Variants in IL27RA observed in about 807,000 individuals in gnomAD.
IL27RA encodes the protein interleukin 27 receptor subunit alpha, also known as interleukin-27 receptor subunit alpha.
In IL27RA, 61 loss-of-function variants were observed where a neutral mutation model predicts 80.8. The observed-to-expected ratio is 0.76, with a 90% confidence interval of 0.61 to 0.93. IL27RA has a LOEUF of 0.93. Ranked by LOEUF, IL27RA falls within the 40% of genes least tolerant of loss-of-function variation. The probability of loss-of-function intolerance (pLI) is 0.00; values close to 1 mark genes in which losing one functional copy is unlikely to be tolerated. For missense variants in IL27RA, 735 were observed against 808.1 expected (o/e 0.91, Z 1.10); for synonymous variants, 316 against 332.5 (o/e 0.95, Z 0.54).
Position 14,046,145 on chromosome 19 carries a change from A to T in IL27RA, c.769-9A>T, listed in dbSNP as rs1401306125. ...GAGACATTAACCCCTTTTTCCCTTC[A>T]TCTCTCAGGCCCCAGGGCCCTGTGT... On this transcript the variant is annotated splice_polypyrimidine_tract_variant and intron_variant, in intron 6 of 13. Transcript: ENST00000263379. The T allele has an allele frequency of 1.2e-6, 2 of 1,606,862 alleles. No homozygotes were observed. Among genetic ancestry groups the T allele is most frequent in the Admixed American group, 1.7e-5 (1 of 57,964 alleles).
In IL27RA at chr19:14,050,753, T is replaced by C; in HGVS notation, c.1403-5T>C. 1 of 1,608,860 alleles carries C rather than the reference T, an allele frequency of 6.2e-7. No individual in the cohort carries two copies. Among genetic ancestry groups the C allele is most frequent in the African/African-American group, 1.3e-5 (1 of 74,954 alleles). On this transcript the variant is annotated splice_region_variant and splice_polypyrimidine_tract_variant and intron_variant, in intron 10 of 13. Transcript: ENST00000263379. ...CTCCCCAACTTCTTTGGTTGTGTTC[T>C]CCAGTGAGTGGCAACACACAGAGTG...
chr19:14,050,856 G>T lies in IL27RA; in HGVS notation c.1501G>T (p.Gly501Cys), dbSNP rs1358725262. ...TACCATCGCTGGACAGGGCCCTCCT[G>T]GTCCCATCCTCCGGCTTCATCTACC... The part of the protein sequence containing the change: ...ASTIAGQGPP[G>C]PILRLHLPDN... Residue 501 changes from glycine to cysteine, a missense_variant, in exon 11 of 14, where the codon GGT becomes TGT. Physicochemically the swap from Gly to Cys is radical, Grantham distance 159 (BLOSUM62 -3). Coordinates refer to ENST00000263379, the MANE Select transcript of IL27RA (RefSeq NM_004843.4). 1 of 1,611,732 alleles carries T rather than the reference G, an allele frequency of 6.2e-7. No homozygotes were observed. Among genetic ancestry groups the T allele is most frequent in the Admixed American group, 1.7e-5 (1 of 59,914 alleles).
chr19:14,033,888 C>T (rs1182865322), intron 2 of IL27RA, among the ~76,000 whole-genome samples: 1 of 151,990 alleles, frequency 6.6e-6, no homozygotes, highest in Non-Finnish European at 1.5e-5. Flanking sequence ...TGCTTGAACC[C>T]AGGAAGTGGA....
chr19:14,032,805 C>CAA (rs60328140), intron 2 of IL27RA, among the ~76,000 whole-genome samples: 14 of 60,734 alleles, frequency 2.3e-4, no homozygotes, highest in East Asian at 4.6e-4. Flanking sequence ...GACTCTGTCT[C>CAA]AAAAAAAAAA....
At chr19:14,051,025 G>A (rs1976154545) in intron 11 of IL27RA, 142 bp downstream of exon 11, 1 of 815,900 alleles carries the variant, frequency 1.2e-6, no homozygotes, top group South Asian at 2.6e-5. Flanking sequence ...GAGGCAGGTG[G>A]ATCACTTGAG....
At chr19:14,040,902 ATT>A (rs34698681) in intron 4 of IL27RA, among the ~76,000 whole-genome samples, 154 of 139,276 alleles carry the variant, frequency 1.1e-3, no homozygotes, top group African/African-American at 2.4e-3. Flanking sequence ...GAGATGCAGA[ATT>A]TTTTTTTTTT....
chr19:14,051,982 A>G lies in IL27RA; in HGVS notation c.1716+9A>G. 1 of 1,580,902 alleles carries G rather than the reference A, an allele frequency of 6.3e-7. No homozygotes were observed. Among genetic ancestry groups the G allele is most frequent in the Non-Finnish European group, 8.6e-7 (1 of 1,162,052 alleles). ...GCCAGCCCCACATGGAGGTGAGTCA[A>G]AGGGCCGGCTAGTCGGAGCCCTCTG... On this transcript the variant is annotated intron_variant, in intron 13 of 13. Coordinates refer to ENST00000263379, the MANE Select transcript of IL27RA (RefSeq NM_004843.4).
chr19:14,033,738 G>A (rs541457390), intron 2 of IL27RA, among the ~76,000 whole-genome samples: 151 of 151,850 alleles, frequency 9.9e-4, no homozygotes, highest in African/African-American at 3.4e-3. Context: ...AGGCCGAGGC[G>A]GGCAGATCAC....
At position 14,031,891 on chromosome 19, in the gene IL27RA, GC is replaced by G; in HGVS notation, c.23del (p.Pro8LeufsTer43). The G allele has an allele frequency of 6.2e-7, 1 of 1,603,058 alleles. No individual in the cohort carries two copies. The highest frequency in any genetic ancestry group is 8.5e-7 in the Non-Finnish European group (1 of 1,175,604). MRGGRG[A>X]PFWLWPLPKL... ...GGACGCCATGCGGGGAGGCAGGGGC[GC>G]CCCTTTCTGGCTGTGGCCGCTGCCC... On this transcript the variant is annotated frameshift_variant, in exon 1 of 14. Transcript: ENST00000263379. LOFTEE classifies it high-confidence loss of function.
intron 6 of IL27RA, among the ~76,000 whole-genome samples, chr19:14,045,828 C>T (rs953862099): frequency 3.3e-5 from 5 of 151,456 alleles, no homozygotes; most frequent in African/African-American, 1.2e-4. Context: ...AGTTTGAGAC[C>T]AGCCTGGCCA....
At chr19:14,036,618 AGCTGAGAT>A (rs1833108322) in intron 2 of IL27RA, among the ~76,000 whole-genome samples, 1 of 149,660 alleles carries the variant, frequency 6.7e-6, no homozygotes, top group South Asian at 2.1e-4. Context: ...CCTCCCGAGT[AGCTGAGAT>A]TATAGGTGCG....
intron 6 of IL27RA, among the ~76,000 whole-genome samples, chr19:14,045,049 C>A (rs1439045949): frequency 6.7e-6 from 1 of 149,248 alleles, no homozygotes; most frequent in Non-Finnish European, 1.5e-5. Context: ...CTCCTGAACC[C>A]GGGGAGGTTG....
At chr19:14,044,891 C>G (rs529793102) in intron 6 of IL27RA, among the ~76,000 whole-genome samples, 1 of 151,452 alleles carries the variant, frequency 6.6e-6, no homozygotes. Flanking sequence ...TTTGGGAGGC[C>G]GAGGCGGGTG....
chr19:14,052,431 C>CT lies in IL27RA; in HGVS notation c.*141_*142insT. On this transcript the variant is annotated 3_prime_UTR_variant, in exon 14 of 14. Transcript: ENST00000263379. ...GAGTCACTTACCTGAGGACACCCAG[C>CT]CAGGCAGAGCTGGGATTGAAGGACC... 2 of 641,990 alleles carry CT rather than the reference C, an allele frequency of 3.1e-6. No homozygotes were observed. The highest frequency in any genetic ancestry group is 4.9e-6 in the Non-Finnish European group (2 of 404,734). The allele number at this position is 641,990 out of a possible 1,614,324, so 39.8% of individuals were successfully genotyped here. A position where few individuals can be genotyped will look rare whatever the true frequency, so the allele number is the denominator to read the frequency against.
intron 11 of IL27RA, 89 bp downstream of exon 11, chr19:14,050,972 G>C: frequency 7.3e-7 from 1 of 1,377,508 alleles, no homozygotes; most frequent in East Asian, 2.4e-5. Flanking sequence ...TTGGAAGCTA[G>C]GTGCAGTGGC....
intron 4 of IL27RA, among the ~76,000 whole-genome samples, chr19:14,041,623 A>G (rs1200668560): frequency 6.6e-6 from 1 of 152,160 alleles, no homozygotes; most frequent in Non-Finnish European, 1.5e-5. Context: ...ACGAGATAAT[A>G]ATAGAAGTTA....
At chr19:14,040,156 G>C (rs1185778743) in intron 4 of IL27RA, among the ~76,000 whole-genome samples, 1 of 152,066 alleles carries the variant, frequency 6.6e-6, no homozygotes, top group Non-Finnish European at 1.5e-5. Context: ...TTGAGGTCAA[G>C]AGTTCGAGAC....
At chr19:14,051,494 G>T in intron 11 of IL27RA, 113 bp from the exon 12 acceptor site, 1 of 455,290 alleles carries the variant, frequency 2.2e-6, no homozygotes, top group Non-Finnish European at 3.6e-6. Flanking sequence ...GTGAGCTGAG[G>T]TCGCACCACT....
intron 2 of IL27RA, among the ~76,000 whole-genome samples, chr19:14,039,126 AAC>A (rs1457621090): frequency 1.3e-5 from 2 of 151,898 alleles, no homozygotes; most frequent in Non-Finnish European, 2.9e-5. Context: ...CGCTACTAAA[AAC>A]ACAAAAAAAT....
Sources: gnomAD v4.1 joint callset for allele counts (sites outside exome capture counted in the v4.1 genomes callset) on GRCh38, gnomAD v4.1.1 for gene constraint, MANE v1.5 for transcripts, NCBI Gene and HGNC (gene_info 2026-07-23, HGNC 2026-07-21) for gene names.